The following TTLL8 variants were observed in gnomAD, a reference collection of about 807,000 sequenced individuals.
TTLL8 encodes the protein tubulin tyrosine ligase like 8.
In TTLL8, 65 loss-of-function variants were observed where a neutral mutation model predicts 77.8. The ratio of observed to expected loss-of-function variants is 0.84; its 90% CI spans 0.68 to 1.03. The LOEUF is 1.03. Ranked by LOEUF, TTLL8 falls within the 50% of genes least tolerant of loss-of-function variation. The probability of loss-of-function intolerance (pLI) is 0.00; values close to 1 mark genes in which losing one functional copy is unlikely to be tolerated. For synonymous variants in TTLL8, 402 were observed against 422.8 expected (o/e 0.95, Z 0.60); for missense variants, 910 against 1,004.5 (o/e 0.91, Z 1.27).
chr22:50,053,562 A>G (rs1334810086), intron 1 of TTLL8, among the ~76,000 whole-genome samples: 1 of 152,202 alleles, frequency 6.6e-6, no homozygotes, highest in Non-Finnish European at 1.5e-5. Context: ...ACTTTAAAAC[A>G]TTTATGTTTA....
rs761042010 is a variant in TTLL8 at position 50,050,255 on chromosome 22, G to A, written c.52-8C>T. On this transcript the variant is annotated splice_region_variant and splice_polypyrimidine_tract_variant and intron_variant, in intron 1 of 13. Coordinates refer to ENST00000266182, the Ensembl canonical transcript of TTLL8. ...AGAGAAAATCTTCTTCTCCTAAAAT[G>A]GCAAGAGGATATTTTATTTTATTTC... is the stretch of plus-strand genomic sequence containing the variant. The A allele has an allele frequency of 9.1e-6, 12 of 1,312,006 alleles. No individual in the cohort carries two copies. Among genetic ancestry groups the A allele is most frequent in the African/African-American group, 9.1e-5 (6 of 66,120 alleles). The allele number at this position is 1,312,006 out of a possible 1,614,324, so 81.3% of individuals were successfully genotyped here. A position where few individuals can be genotyped will look rare whatever the true frequency, so the allele number is the denominator to read the frequency against.
chr22:50,038,156 T>C (rs1032601448), intron 8 of TTLL8, among the ~76,000 whole-genome samples: 2 of 152,250 alleles, frequency 1.3e-5, no homozygotes, highest in East Asian at 1.9e-4. Flanking sequence ...TAGAATTTCG[T>C]TTCACGATTT....
At chr22:50,057,832 A>C (rs1235629469), upstream of TTLL8, among the ~76,000 whole-genome samples, 1 of 149,860 alleles carries the variant, frequency 6.7e-6, no homozygotes, top group Non-Finnish European at 1.5e-5. Context: ...GGGGTTCTGA[A>C]GGCAGAGGGG....
At chr22:50,053,256 T>G (rs1336338602) in intron 1 of TTLL8, among the ~76,000 whole-genome samples, 6 of 147,794 alleles carry the variant, frequency 4.1e-5, no homozygotes, top group Non-Finnish European at 8.9e-5. Context: ...CTACACCAAC[T>G]GTTACATAAA....
At chr22:50,025,210 G>A (rs1378179428) in intron 12 of TTLL8, among the ~76,000 whole-genome samples, 1 of 145,800 alleles carries the variant, frequency 6.9e-6, no homozygotes, top group Admixed American at 7.1e-5. Flanking sequence ...CATATTTCAC[G>A]TAACCCACAA....
intron 6 of TTLL8, among the ~76,000 whole-genome samples, chr22:50,042,350 CTT>C (rs2061377036): frequency 6.6e-6 from 1 of 152,066 alleles, no homozygotes; most frequent in South Asian, 2.1e-4. Flanking sequence ...GAGTTTTGCT[CTT>C]GTCGCCCAGG....
intron 6 of TTLL8, among the ~76,000 whole-genome samples, chr22:50,042,288 C>T (rs1454615781): frequency 6.6e-6 from 1 of 152,176 alleles, no homozygotes; most frequent in East Asian, 1.9e-4. Flanking sequence ...CCTCTTGAAA[C>T]TCAACAATAA....
At chr22:50,030,369 G>C in intron 12 of TTLL8, 61 bp downstream of exon 13, 1 of 1,237,206 alleles carries the variant, frequency 8.1e-7, no homozygotes, top group South Asian at 1.4e-5. Context: ...CTGCTGGCGA[G>C]GGTTGGGGAT....
At chr22:50,028,165 G>A (rs2061243028) in intron 12 of TTLL8, among the ~76,000 whole-genome samples, 1 of 152,234 alleles carries the variant, frequency 6.6e-6, no homozygotes, top group African/African-American at 2.4e-5. Context: ...GGAGGGTCTG[G>A]AGGGAGAACC....
intron 12 of TTLL8, among the ~76,000 whole-genome samples, chr22:50,023,336 A>G (rs190814096): frequency 4.2e-3 from 640 of 152,354 alleles, no homozygotes; most frequent in Non-Finnish European, 7.3e-3. Flanking sequence ...ATTCTCCCCA[A>G]AATGATCTAT....
At chr22:50,028,174 C>A (rs1475575443) in intron 12 of TTLL8, among the ~76,000 whole-genome samples, 37 of 152,218 alleles carry the variant, frequency 2.4e-4, no homozygotes, top group Non-Finnish European at 1.5e-5. Flanking sequence ...GGAGGGAGAA[C>A]CCTGGTGGCA....
intron 2 of TTLL8, 70 bp downstream of exon 4, chr22:50,050,039 G>T (rs1382977982): frequency 7.6e-7 from 1 of 1,321,326 alleles, no homozygotes; most frequent in East Asian, 4.8e-5. Context: ...CACTCAGGCC[G>T]GCGCCGACTC....
At chr22:50,058,071 G>C (rs1349766231), upstream of TTLL8, among the ~76,000 whole-genome samples, 2 of 149,796 alleles carry the variant, frequency 1.3e-5, no homozygotes, top group Non-Finnish European at 3.0e-5. This position sits in a 1 kb window ranked among gnomAD's most constrained non-coding sequence, Gnocchi z 4.2. Context: ...CTGGGGTTCC[G>C]AAGGCAGATG....
chr22:50,033,276 G>T, exon 10 of TTLL8: 1 of 1,362,376 alleles, frequency 7.3e-7, no homozygotes, highest in Non-Finnish European at 9.8e-7. Context: ...AGATGGTCAG[G>T]GGGTTCCAGT....
intron 12 of TTLL8, among the ~76,000 whole-genome samples, chr22:50,021,811 A>ATG: frequency 1.4e-5 from 1 of 70,452 alleles, no homozygotes; most frequent in Non-Finnish European, 2.8e-5. Context: ...TCCATCTGAC[A>ATG]TGCACTCCTC....
chr22:50,041,589 C>T lies in TTLL8; in HGVS notation c.830+32G>A. 2 of 1,316,472 alleles carry T rather than the reference C, an allele frequency of 1.5e-6. No individual in the cohort carries two copies. The highest frequency in any genetic ancestry group is 1.5e-5 in the African/African-American group (1 of 66,094). 81.5% of individuals were successfully genotyped at this position (1,316,472 alleles called of 1,614,324 possible). ...CTCCTGCAATCTGCACTCACAGCTCCGACATGTGCCAGGGGCCTGCGTAAG... is the reference window on the plus strand; with the variant it reads ...CTCCTGCAATCTGCACTCACAGCTCTGACATGTGCCAGGGGCCTGCGTAAG... On this transcript the variant is annotated intron_variant, in intron 7 of 13. Transcript: ENST00000266182. The surrounding 1 kb of genome is among the most constrained non-coding windows in gnomAD (Gnocchi z 4.3).
At position 50,034,839 on chromosome 22, in the gene TTLL8, C is replaced by T. The variant is rs531567352; in HGVS notation, c.922-377G>A. Among the ~76,000 whole-genome samples, 12 of 152,214 alleles carry T rather than the reference C, an allele frequency of 7.9e-5. No homozygotes were observed. In the South Asian group the frequency reaches 1.2e-3, roughly 16 times the overall value. The stretch of plus-strand genomic sequence containing the variant: ...CACGCGGAAACGTGGGAGACACAGG[C>T]GGGGGCAGACGCAGCCATGCCCAGC... On this transcript the variant is annotated intron_variant, in intron 8 of 13. Transcript: ENST00000266182. This position sits in a 1 kb window ranked among gnomAD's most constrained non-coding sequence, Gnocchi z 4.1.
chr22:50,030,117 C>A (rs2061275785), intron 12 of TTLL8: 2 of 962,794 alleles, frequency 2.1e-6, no homozygotes, highest in South Asian at 9.6e-5. Flanking sequence ...TAACTCAAAT[C>A]CTCCGACCCG....
chr22:50,020,379 CATCT>C (rs1325283291), intron 12 of TTLL8, among the ~76,000 whole-genome samples: 2 of 151,940 alleles, frequency 1.3e-5, no homozygotes, highest in Admixed American at 6.6e-5. Flanking sequence ...TGCACTCCTC[CATCT>C]GACGTGCATT....
Sources: allele counts gnomAD v4.1 joint callset (sites outside exome capture counted in the v4.1 genomes callset), GRCh38; gene constraint gnomAD v4.1.1; non-coding constraint Gnocchi (gnomAD v3.1); transcripts MANE v1.5; gene names NCBI Gene and HGNC (gene_info 2026-07-23, HGNC 2026-07-21).